The following BICRAL variants were observed in gnomAD, a reference collection of about 807,000 sequenced individuals.
The protein encoded by BICRAL is BRD4-interacting chromatin-remodeling complex-associated protein-like.
Under a neutral mutation model 91.8 loss-of-function variants are expected in BICRAL, and 8 were observed. The observed-to-expected ratio is 0.09, with a 90% CI of 0.05 to 0.16. The LOEUF is 0.16. Among genes scored for constraint, BICRAL ranks in the 10% least tolerant of loss-of-function variants. The pLI, the probability that BICRAL is intolerant of heterozygous loss-of-function variation, is 1.00. For missense variants in BICRAL, 1,038 were observed against 1,310.9 expected, an observed-to-expected ratio of 0.79 and a Z score of 3.21; for synonymous variants, 445 against 491.1, an observed-to-expected ratio of 0.91 and a Z score of 1.24.
At chr6:42,755,376 T>C (rs1183773468) in intron 1 of BICRAL, among the ~76,000 whole-genome samples, 1 of 152,204 alleles carries the variant, frequency 6.6e-6, no homozygotes, top group Non-Finnish European at 1.5e-5. Context: ...GTGGTGTCTC[T>C]GAAGAGTCTG....
intron 1 of BICRAL, among the ~76,000 whole-genome samples, chr6:42,767,967 A>T (rs1762657665): frequency 6.6e-6 from 1 of 152,172 alleles, no homozygotes; most frequent in African/African-American, 2.4e-5. Context: ...GTGGTGGAAG[A>T]TGGGGCTGGA....
chr6:42,790,049 A>G (rs1476923687), intron 1 of BICRAL, among the ~76,000 whole-genome samples: 2 of 152,220 alleles, frequency 1.3e-5, no homozygotes, highest in Non-Finnish European at 2.9e-5. Flanking sequence ...AAAAGAATCA[A>G]GACCATTGAA....
chr6:42,784,656 AG>A (rs1359422893), intron 1 of BICRAL, among the ~76,000 whole-genome samples: 1 of 152,230 alleles, frequency 6.6e-6, no homozygotes, highest in Non-Finnish European at 1.5e-5. Context: ...GAGGTCTTGC[AG>A]TTTTAAGTAG....
intron 2 of BICRAL, among the ~76,000 whole-genome samples, chr6:42,814,063 C>T (rs1044958814): frequency 9.9e-5 from 15 of 151,904 alleles, no homozygotes; most frequent in Non-Finnish European, 1.5e-5. Flanking sequence ...GCAACTATTC[C>T]GTAGTTCATG....
At chr6:42,754,695 C>T (rs1415026914) in intron 1 of BICRAL, among the ~76,000 whole-genome samples, 2 of 152,172 alleles carry the variant, frequency 1.3e-5, no homozygotes, top group Admixed American at 1.3e-4. Context: ...AGTTTGAGAC[C>T]AGCCTGGGCA....
chr6:42,844,210 T>C (rs577422222), intron 6 of BICRAL, among the ~76,000 whole-genome samples: 1 of 149,820 alleles, frequency 6.7e-6, no homozygotes, highest in South Asian at 2.1e-4. Flanking sequence ...CCTCAACATT[T>C]AGGCTAAGAA....
chr6:42,787,885 G>C (rs1012071600), intron 1 of BICRAL, among the ~76,000 whole-genome samples: 1 of 146,356 alleles, frequency 6.8e-6, no homozygotes, highest in African/African-American at 2.7e-5. Context: ...AAAGAAGAGG[G>C]CTTTTTTTTT....
At chr6:42,800,869 A>C (rs1763547782) in intron 1 of BICRAL, among the ~76,000 whole-genome samples, 1 of 152,228 alleles carries the variant, frequency 6.6e-6, no homozygotes. Context: ...TAAAACCAAA[A>C]TATTTTGAAT....
Position 42,822,285 on chromosome 6 carries a change from G to A in BICRAL, c.41+222G>A, listed in dbSNP as rs983229762. 2.5e-4 allele frequency among the ~76,000 whole-genome samples: 38 copies of A among 150,548 alleles called. 1 individual carries two copies. The highest frequency in any genetic ancestry group is 3.0e-5 in the Non-Finnish European group (2 of 67,762). ...AGACAGGGTCTCACTCTGTCACCCAGGCTAAAGTGCAGCAGCACAATCTCA... is the reference window on the plus strand; with the variant it reads ...AGACAGGGTCTCACTCTGTCACCCAAGCTAAAGTGCAGCAGCACAATCTCA... On this transcript the variant is annotated intron_variant, in intron 3 of 12. Transcript: ENST00000314073.
At position 42,829,822 on chromosome 6, in the gene BICRAL, G is replaced by A. The variant is rs752817411; in HGVS notation, c.1489G>A (p.Gly497Arg). ...TCATGCCTCTCCTCAGCTTGTGGGT[G>A]GACAGATGCCCTTGCAGCAGGCATC... ...ANHASPQLVG[G>R]QMPLQQASPT... The change falls in exon 6 of 13, where the codon GGA becomes AGA. Residue 497 changes from glycine (G) to arginine (R), a missense_variant. Coordinates refer to ENST00000314073, the MANE Select transcript of BICRAL (RefSeq NM_001393499.1). The A allele has an allele frequency of 4.3e-6, 7 of 1,614,048 alleles. No homozygotes were observed. The Admixed American group carries it at 5.0e-5, about 12-fold the overall frequency.
intron 1 of BICRAL, among the ~76,000 whole-genome samples, chr6:42,770,524 T>C (rs60633811): frequency 0.085 from 12,536 of 147,424 alleles, 1,570 homozygotes; most frequent in African/African-American, 0.28. Flanking sequence ...AAGCGATTCT[T>C]CTCCCTCAGC....
chr6:42,865,083 A>T lies in BICRAL; in HGVS notation c.2877A>T (p.Leu959=), dbSNP rs1206701166. The stretch of plus-strand genomic sequence containing the variant: ...CTGAGAGCAAACTGTCAAGCATCCT[A>T]GCAGATTCGCACTTGGAGATGACGT... ...HGTESKLSSI[L]ADSHLEMTCN... The change falls in exon 13 of 13, where the codon CTA becomes CTT. Residue 959 remains leucine, a synonymous_variant. Coordinates refer to ENST00000314073, the MANE Select transcript of BICRAL (RefSeq NM_001393499.1). 5 of 1,614,170 alleles carry T rather than the reference A, an allele frequency of 3.1e-6. No homozygotes were observed. The highest frequency in any genetic ancestry group is 4.2e-6 in the Non-Finnish European group (5 of 1,180,016).
intron 2 of BICRAL, among the ~76,000 whole-genome samples, 162 bp downstream of exon 2, chr6:42,810,563 A>G (rs1763821302): frequency 1.3e-5 from 2 of 152,248 alleles, no homozygotes; most frequent in Admixed American, 6.5e-5. Flanking sequence ...CCTTATCGAC[A>G]TGAATCGTTA....
chr6:42,783,656 GC>G (rs1273158292), intron 1 of BICRAL, among the ~76,000 whole-genome samples: 1 of 152,172 alleles, frequency 6.6e-6, no homozygotes, highest in Non-Finnish European at 1.5e-5. Context: ...CCTTCCCCAC[GC>G]CCCCAGACCC....
chr6:42,809,348 A>G (rs1763792252), intron 1 of BICRAL, among the ~76,000 whole-genome samples: 2 of 152,170 alleles, frequency 1.3e-5, no homozygotes, highest in South Asian at 4.2e-4. Context: ...AGCAGTTTAA[A>G]GACCTTCAAA....
At chr6:42,766,446 C>A (rs1427389002) in intron 1 of BICRAL, among the ~76,000 whole-genome samples, 1 of 152,170 alleles carries the variant, frequency 6.6e-6, no homozygotes, top group Non-Finnish European at 1.5e-5. Context: ...CTGAAACACG[C>A]AAACTGGCTA....
chr6:42,848,587 A>G (rs1199387212), intron 6 of BICRAL, among the ~76,000 whole-genome samples: 1 of 152,242 alleles, frequency 6.6e-6, no homozygotes, highest in African/African-American at 2.4e-5. Context: ...GCTCACGCCT[A>G]TAACCCCGCA....
chr6:42,858,245 G>A (rs978685600), intron 10 of BICRAL, among the ~76,000 whole-genome samples: 1 of 151,342 alleles, frequency 6.6e-6, no homozygotes, highest in Non-Finnish European at 1.5e-5. Context: ...GCTGAGCACA[G>A]TGGCTCACGT....
intron 6 of BICRAL, among the ~76,000 whole-genome samples, chr6:42,850,383 G>A (rs1765140381): frequency 6.6e-6 from 1 of 151,940 alleles, no homozygotes; most frequent in Admixed American, 6.6e-5. Flanking sequence ...AGCCAGGTGT[G>A]GTGGTGGGCG....
Sources: gnomAD v4.1 joint callset for allele counts (sites outside exome capture counted in the v4.1 genomes callset) on GRCh38, gnomAD v4.1.1 for gene constraint, MANE v1.5 for transcripts, NCBI Gene and HGNC (gene_info 2026-07-23, HGNC 2026-07-21) for gene names.